The following NSMAF variants were observed in gnomAD, a reference collection of about 807,000 sequenced individuals.
The protein encoded by NSMAF is protein FAN.
Under a neutral mutation model 134.9 loss-of-function variants are expected in NSMAF, and 90 were observed. The ratio of observed to expected loss-of-function variants is 0.67; its 90% CI spans 0.56 to 0.79. The LOEUF (loss-of-function observed/expected upper bound fraction) is 0.79, where lower values mean the gene tolerates loss of function less well. NSMAF is among the 30% of genes least tolerant of loss of function. NSMAF has a pLI of 0.00. For missense variants in NSMAF, 1,010 were observed against 1,119.0 expected (o/e 0.90, Z 1.39); for synonymous variants, 358 against 389.6 (o/e 0.92, Z 0.96).
chr8:58,643,554 C>G (rs1426257571), intron 1 of NSMAF, among the ~76,000 whole-genome samples: 1 of 146,954 alleles, frequency 6.8e-6, no homozygotes, highest in East Asian at 2.0e-4. Context: ...TTTTTTGGGA[C>G]GGAGTTTCAC....
At chr8:58,591,862 T>A (rs1328679507) in intron 23 of NSMAF, among the ~76,000 whole-genome samples, 2 of 152,146 alleles carry the variant, frequency 1.3e-5, no homozygotes, top group Non-Finnish European at 2.9e-5. Context: ...ATATTTGAGA[T>A]ATGTAACAAT....
chr8:58,619,995 T>C (rs560861553), intron 9 of NSMAF, among the ~76,000 whole-genome samples: 2 of 152,326 alleles, frequency 1.3e-5, no homozygotes, highest in East Asian at 3.9e-4. Context: ...AGCTTAGTGG[T>C]ACCAGAGACA....
In NSMAF at chr8:58,588,632, C is replaced by T. The variant is rs201804779; in HGVS notation, c.2211+820G>A. ...ATGTCCCTGACTGCTGCGGCCTCCA[C>T]TATGTTTCGAATGACGAATTTCTTA... On this transcript the variant is annotated intron_variant, in intron 26 of 30. Transcript: ENST00000038176. The T allele has an allele frequency of 3.2e-3, 4,752 of 1,506,760 alleles. 25 individuals carry two copies. Among genetic ancestry groups the T allele is most frequent in the Non-Finnish European group, 3.8e-3 (4,131 of 1,095,760 alleles). 93.3% of individuals were successfully genotyped at this position (1,506,760 alleles called of 1,614,324 possible). A position where few individuals can be genotyped will look rare whatever the true frequency, so the allele number is the denominator to read the frequency against.
In NSMAF at chr8:58,599,783, C is replaced by T. The variant is rs1464205514; in HGVS notation, c.1420G>A (p.Val474Ile). 1.2e-6 allele frequency: 2 copies of T among 1,613,972 alleles called. No homozygotes were observed. Among genetic ancestry groups the T allele is most frequent in the East Asian group, 4.5e-5 (2 of 44,892 alleles). The change falls in exon 18 of 31, where the codon GTT (valine) becomes ATT (isoleucine). Residue 474 changes from valine (V) to isoleucine (I), a missense_variant. Coordinates refer to ENST00000038176, the MANE Select transcript of NSMAF (RefSeq NM_003580.4). The stretch of plus-strand genomic sequence containing the variant: ...CAAGGGGGAAGCTCCACGTCGTCAA[C>T]CATCTGTCCTCCTTGTCTCTTTCCC... ...DLGKRQGGQMVDDVELPPWAS... is the reference protein window; with the variant it reads ...DLGKRQGGQMIDDVELPPWAS...
At position 58,597,915 on chromosome 8, in the gene NSMAF, T is replaced by A; in HGVS notation, c.1586-13A>T. The A allele has an allele frequency of 6.3e-7, 1 of 1,589,070 alleles. No individual in the cohort carries two copies. Among genetic ancestry groups the A allele is most frequent in the Non-Finnish European group, 8.6e-7 (1 of 1,157,474 alleles). ...AGGGGATGAAATACTGAAAAAGACA[T>A]ACAAAACACTATTGAAAGATGTGCT... On this transcript the variant is annotated splice_polypyrimidine_tract_variant and intron_variant, in intron 19 of 30. Transcript: ENST00000038176.
intron 1 of NSMAF, among the ~76,000 whole-genome samples, chr8:58,654,103 C>T (rs530139113): frequency 1.3e-5 from 2 of 152,142 alleles, no homozygotes; most frequent in South Asian, 2.1e-4. Context: ...GCATTCCTGA[C>T]GAATTAAGTC....
rs2129138702 is a variant in NSMAF, at chr8:58,586,602, T to C, written c.2302A>G (p.Thr768Ala). The C allele has an allele frequency of 6.2e-7, 1 of 1,612,194 alleles. No individual in the cohort carries two copies. Among genetic ancestry groups the C allele is most frequent in the East Asian group, 2.2e-5 (1 of 44,866 alleles). ...GTGCTTGCAGCATTTAAACTGATTGTATCTACCTAAGGAAGAAAACACATT... is the reference window on the plus strand; with the variant it reads ...GTGCTTGCAGCATTTAAACTGATTGCATCTACCTAAGGAAGAAAACACATT... ...AELEHDVSVD[T>A]ISLNAASTLL... is the part of the protein sequence containing the mutation. Residue 768 changes from threonine to alanine, a missense_variant, in exon 28 of 31, where the codon ACA becomes GCA. By Grantham distance (58) the Thr-to-Ala change is moderately conservative. Transcript: ENST00000038176.
At chr8:58,589,691 T>G in intron 25 of NSMAF, 116 bp from the exon 26 acceptor site, 2 of 995,680 alleles carry the variant, frequency 2.0e-6, no homozygotes, top group Non-Finnish European at 2.8e-6. Context: ...CTCACTAGAA[T>G]TACAAATTGC....
At chr8:58,628,122 A>AT (rs1289022437) in intron 6 of NSMAF, among the ~76,000 whole-genome samples, 1 of 152,196 alleles carries the variant, frequency 6.6e-6, no homozygotes, top group East Asian at 1.9e-4. Context: ...GCATACAAAA[A>AT]CATACAGTGG....
chr8:58,623,330 T>A (rs1244225681), intron 8 of NSMAF, 47 bp downstream of exon 8: 1 of 1,605,448 alleles, frequency 6.2e-7, no homozygotes, highest in East Asian at 2.2e-5. Flanking sequence ...AAAATATCAA[T>A]ACAAGTTAAT....
intron 6 of NSMAF, among the ~76,000 whole-genome samples, chr8:58,625,122 T>C (rs530658433): frequency 1.3e-5 from 2 of 152,304 alleles, no homozygotes; most frequent in South Asian, 2.1e-4. Context: ...ATCGGATCCA[T>C]TGAGGGCCTA....
chr8:58,607,302 C>T (rs1191001073), intron 11 of NSMAF, among the ~76,000 whole-genome samples: 1 of 152,192 alleles, frequency 6.6e-6, no homozygotes, highest in East Asian at 1.9e-4. Flanking sequence ...TATGATTTTA[C>T]ATGGTTATTT....
At chr8:58,639,207 C>T (rs1194976145) in intron 2 of NSMAF, among the ~76,000 whole-genome samples, 6 of 151,902 alleles carry the variant, frequency 3.9e-5, no homozygotes, top group Non-Finnish European at 8.8e-5. Context: ...TCGCTTGAAC[C>T]CGGAAGGCAG....
intron 1 of NSMAF, among the ~76,000 whole-genome samples, chr8:58,645,087 A>C (rs903235419): frequency 2.6e-5 from 4 of 151,654 alleles, no homozygotes; most frequent in Non-Finnish European, 5.9e-5. Context: ...CGTTCTGCAC[A>C]TGTACTCCAG....
rs183372092 is a variant in NSMAF, at chr8:58,636,428, T to G, written c.150-882A>C. Among the ~76,000 whole-genome samples, 634 of 152,360 alleles carry G rather than the reference T, an allele frequency of 4.2e-3. 3 individuals are homozygous for G. The highest frequency in any genetic ancestry group is 6.1e-3 in the Non-Finnish European group (412 of 68,042). On this transcript the variant is annotated intron_variant, in intron 2 of 30. Coordinates refer to ENST00000038176, the MANE Select transcript of NSMAF (RefSeq NM_003580.4). ...TACAGCCAGTGTTCAAAGAATACTT[T>G]CAGAGGTAGTACACGGGTACTGCCT...
intron 16 of NSMAF, chr8:58,600,321 A>G (rs1806249989): frequency 5.9e-6 from 2 of 338,018 alleles, no homozygotes; most frequent in East Asian, 5.6e-5. Context: ...GGGTGCCTCC[A>G]CACTGAAAGA....
chr8:58,622,496 C>A (rs552482778), intron 9 of NSMAF, among the ~76,000 whole-genome samples: 1 of 151,940 alleles, frequency 6.6e-6, no homozygotes, highest in South Asian at 2.1e-4. Context: ...CAGGTTCAAG[C>A]GATTCTTCTG....
chr8:58,592,135 A>T (rs750968013), intron 23 of NSMAF, among the ~76,000 whole-genome samples: 5 of 152,168 alleles, frequency 3.3e-5, no homozygotes, highest in Non-Finnish European at 5.9e-5. Context: ...TGATTCTCTT[A>T]GGCAATTCTG....
chr8:58,657,229 C>CA (rs1463935733), intron 1 of NSMAF, among the ~76,000 whole-genome samples: 9 of 152,216 alleles, frequency 5.9e-5, no homozygotes, highest in Non-Finnish European at 1.3e-4. Context: ...CAAAGTACAT[C>CA]AACCTAACAA....
Sources: allele counts gnomAD v4.1 joint callset (sites outside exome capture counted in the v4.1 genomes callset), GRCh38; gene constraint gnomAD v4.1.1; transcripts MANE v1.5; gene names NCBI Gene and HGNC (gene_info 2026-07-23, HGNC 2026-07-21).